Variants in ACSL5 observed in about 807,000 individuals in gnomAD.
ACSL5 encodes the protein acyl-CoA synthetase long chain family member 5, also known as long-chain-fatty-acid--CoA ligase 5.
In ACSL5, 50 loss-of-function variants were observed where a neutral mutation model predicts 84.9. The observed-to-expected ratio is 0.59, with a 90% CI of 0.47 to 0.75. The LOEUF (loss-of-function observed/expected upper bound fraction) is 0.75, where lower values mean the gene tolerates loss of function less well. Ranked by LOEUF, ACSL5 falls within the 30% of genes least tolerant of loss-of-function variation. The probability of loss-of-function intolerance (pLI) is 0.00; values close to 1 mark genes in which losing one functional copy is unlikely to be tolerated. For missense variants in ACSL5, 775 were observed against 830.4 expected, an observed-to-expected ratio of 0.93 and a Z score of 0.82; for synonymous variants, 280 against 300.7, an observed-to-expected ratio of 0.93 and a Z score of 0.71.
intron 4 of ACSL5, 52 bp downstream of exon 4, chr10:112,404,627 A>T (rs1468192604): frequency 6.3e-7 from 1 of 1,598,278 alleles, no homozygotes; most frequent in Non-Finnish European, 8.6e-7. Flanking sequence ...AGTATTCTGA[A>T]CTACAGGATA....
chr10:112,417,786 G>A (rs1465786080), intron 13 of ACSL5, 60 bp from the exon 14 acceptor site: 3 of 1,389,300 alleles, frequency 2.2e-6, no homozygotes, highest in Non-Finnish European at 3.1e-6. Context: ...CCACTCTACA[G>A]TGGAGGAAAT....
intron 1 of ACSL5, among the ~76,000 whole-genome samples, chr10:112,389,009 T>G (rs1333602740): frequency 6.6e-6 from 1 of 152,192 alleles, no homozygotes; most frequent in Non-Finnish European, 1.5e-5. Context: ...AGAAAATGAT[T>G]TTTAGCCAAT....
At chr10:112,376,040 G>A (rs1276471172) in intron 1 of ACSL5, among the ~76,000 whole-genome samples, 2 of 152,194 alleles carry the variant, frequency 1.3e-5, no homozygotes, top group East Asian at 3.9e-4. Context: ...AAGATGATAG[G>A]CCACAGGAGG....
intron 3 of ACSL5, 51 bp downstream of exon 3, chr10:112,399,060 GC>G (rs772430284): frequency 1.4e-6 from 2 of 1,467,452 alleles, no homozygotes; most frequent in Non-Finnish European, 1.9e-6. Context: ...GAGGTCTGTG[GC>G]CCATCTCTCT....
In ACSL5 at chr10:112,374,945, G is replaced by C. The variant is rs577599814; in HGVS notation, c.-30+676G>C. Among the ~76,000 whole-genome samples the C allele has an allele frequency of 2.0e-4, 31 of 152,206 alleles. No homozygotes were observed. The South Asian group carries it at 2.3e-3, about 11-fold the overall frequency. ...GCTTTCAGTTACCCCCTGAAATCCT[G>C]AGGGTGTCACTCATGTGCACAGAGG... On this transcript the variant is annotated intron_variant, in intron 1 of 20. Coordinates refer to ENST00000354655, the MANE Select transcript of ACSL5 (RefSeq NM_203379.2).
chr10:112,401,867 T>G (rs1375382961), intron 3 of ACSL5, among the ~76,000 whole-genome samples: 1 of 150,760 alleles, frequency 6.6e-6, no homozygotes, highest in African/African-American at 2.4e-5. Flanking sequence ...TTTCTTTCTT[T>G]CTTTTTCTTT....
At position 112,411,511 on chromosome 10, in the gene ACSL5, C is replaced by A; in HGVS notation, c.852C>A (p.Ala284=). ...THQNIVSNAA[A]FLKCVEHAYE... ...AAAATATTGTTTCAAATGCTGCTGCCTTTCTCAAATGTGTGGAGGTCAGTG... is the reference window on the plus strand; with the variant it reads ...AAAATATTGTTTCAAATGCTGCTGCATTTCTCAAATGTGTGGAGGTCAGTG... Residue 284 remains alanine (A), a synonymous_variant, in exon 10 of 21, where the codon GCC becomes GCA. Coordinates refer to ENST00000354655, the MANE Select transcript of ACSL5 (RefSeq NM_203379.2). 6.2e-7 allele frequency: 1 copy of A among 1,613,860 alleles called. No homozygotes were observed. Among genetic ancestry groups the A allele is most frequent in the Non-Finnish European group, 8.5e-7 (1 of 1,179,782 alleles).
intron 3 of ACSL5, among the ~76,000 whole-genome samples, chr10:112,401,774 TTTTCTTTCTTTCTC>T (rs1165583417): frequency 5.3e-5 from 8 of 150,068 alleles, no homozygotes; most frequent in African/African-American, 2.0e-4. Context: ...CTTTCTTTCT[TTTTCTTTCTTTCTC>T]TTTCTTTCTT....
At chr10:112,377,986 T>C (rs1849272660) in intron 1 of ACSL5, among the ~76,000 whole-genome samples, 1 of 152,206 alleles carries the variant, frequency 6.6e-6, no homozygotes, top group Non-Finnish European at 1.5e-5. Flanking sequence ...CAGCCTAGCC[T>C]GACCTAAAAT....
intron 15 of ACSL5, 80 bp from the exon 16 acceptor site, chr10:112,421,867 A>C (rs756857325): frequency 1.4e-6 from 2 of 1,468,160 alleles, no homozygotes; most frequent in Non-Finnish European, 1.9e-6. Flanking sequence ...TCTAGAGTCA[A>C]TTCATAAATA....
At position 112,413,208 on chromosome 10, in the gene ACSL5, C is replaced by T; in HGVS notation, c.984C>T (p.Phe328=). 1 of 1,614,184 alleles carries T rather than the reference C, an allele frequency of 6.2e-7. No individual in the cohort carries two copies. Among genetic ancestry groups the T allele is most frequent in the Non-Finnish European group, 8.5e-7 (1 of 1,180,028 alleles). Residue 328 remains phenylalanine, a synonymous_variant, in exon 12 of 21, where the codon TTC becomes TTT. Transcript: ENST00000354655. ...ACAGCTGTGGAGCCAGAGTTGGATTCTTCCAAGGGGATATTCGGTTGCTGG... is the reference window on the plus strand; with the variant it reads ...ACAGCTGTGGAGCCAGAGTTGGATTTTTCCAAGGGGATATTCGGTTGCTGG... ...VVYSCGARVG[F]FQGDIRLLAD...
chr10:112,406,876 G>A (rs1390746601), intron 5 of ACSL5, among the ~76,000 whole-genome samples: 3 of 152,140 alleles, frequency 2.0e-5, no homozygotes, highest in Non-Finnish European at 2.9e-5. Flanking sequence ...TCACTGTCAC[G>A]AGAACAATGT....
At chr10:112,425,520 A>C in intron 18 of ACSL5, 39 bp downstream of exon 18, 1 of 1,529,736 alleles carries the variant, frequency 6.5e-7, no homozygotes, top group Non-Finnish European at 8.8e-7. Flanking sequence ...TTCAGTCACA[A>C]ACCATGCTGG....
intron 1 of ACSL5, among the ~76,000 whole-genome samples, chr10:112,385,581 A>G (rs1424827414): frequency 1.3e-5 from 2 of 152,358 alleles, no homozygotes; most frequent in Admixed American, 1.3e-4. Flanking sequence ...AACTATAAGC[A>G]AAGTTGAATG....
At chr10:112,404,240 A>G (rs975803383) in intron 3 of ACSL5, among the ~76,000 whole-genome samples, 1 of 152,214 alleles carries the variant, frequency 6.6e-6, no homozygotes, top group Non-Finnish European at 1.5e-5. Context: ...CTTTCTCTGA[A>G]TGTCTACATT....
At chr10:112,385,050 A>G (rs1386797769) in intron 1 of ACSL5, among the ~76,000 whole-genome samples, 3 of 152,148 alleles carry the variant, frequency 2.0e-5, no homozygotes, top group Non-Finnish European at 2.9e-5. Flanking sequence ...TTCTCCTATC[A>G]AGGAAGGCTT....
At position 112,416,955 on chromosome 10, in the gene ACSL5, A is replaced by G. The variant is rs751950954; in HGVS notation, c.1151A>G (p.Lys384Arg). The change falls in exon 13 of 21, where the codon AAA becomes AGA. Residue 384 changes from lysine to arginine, a missense_variant. By Grantham distance (26) the Lys-to-Arg change is conservative (BLOSUM62 2). Transcript: ENST00000354655. ...LLKLAVSSKF[K>R]ELQKGIIRHD... ...AAGCTGGCTGTTTCCAGTAAATTCA[A>G]AGAGCTTCAAAAGGGTATCATCAGG... 1.9e-6 allele frequency: 3 copies of G among 1,614,134 alleles called. No individual in the cohort carries two copies. Among genetic ancestry groups the G allele is most frequent in the South Asian group, 1.1e-5 (1 of 91,072 alleles).
At chr10:112,423,251 A>AAGTCAT (rs1234661353) in intron 17 of ACSL5, among the ~76,000 whole-genome samples, 39 of 94,326 alleles carry the variant, frequency 4.1e-4, no homozygotes, top group African/African-American at 1.4e-3. Flanking sequence ...TATAGGCTGG[A>AAGTCAT]AGTCATGAGA....
At chr10:112,388,135 T>G (rs1051859909) in intron 1 of ACSL5, among the ~76,000 whole-genome samples, 2 of 152,134 alleles carry the variant, frequency 1.3e-5, no homozygotes, top group African/African-American at 4.8e-5. Flanking sequence ...AGATGGGGTT[T>G]CGCCATGTTG....
Sources: allele counts gnomAD v4.1 joint callset (sites outside exome capture counted in the v4.1 genomes callset), GRCh38; gene constraint gnomAD v4.1.1; transcripts MANE v1.5; gene names NCBI Gene and HGNC (gene_info 2026-07-23, HGNC 2026-07-21).